KARS1: variants seen among roughly 807,000 people sequenced by gnomAD.
The protein encoded by KARS1 is lysine--tRNA ligase.
Under a neutral mutation model 63.9 loss-of-function variants are expected in KARS1, and 50 were observed. The observed-to-expected ratio is 0.78, with a 90% CI of 0.62 to 0.99. The LOEUF (loss-of-function observed/expected upper bound fraction) is 0.99. KARS1 is among the 50% of genes least tolerant of loss of function. The probability of loss-of-function intolerance (pLI) is 0.00; values close to 1 mark genes in which losing one functional copy is unlikely to be tolerated. For synonymous variants in KARS1, 320 were observed against 264.6 expected (o/e 1.21, Z -2.03); for missense variants, 816 against 754.5 (o/e 1.08, Z -0.95).
chr16:75,638,409 C>G (rs914806489), intron 3 of KARS1, among the ~76,000 whole-genome samples: 1 of 152,126 alleles, frequency 6.6e-6, no homozygotes, highest in Non-Finnish European at 1.5e-5. Flanking sequence ...TGACAGGCCC[C>G]AGTGTGTGAT....
At chr16:75,634,347 A>C in intron 6 of KARS1, 55 bp from the exon 7 acceptor site, 1 of 1,594,152 alleles carries the variant, frequency 6.3e-7, no homozygotes, top group South Asian at 1.1e-5. Flanking sequence ...CCTTGGGGAC[A>C]GACCATGCTT....
At chr16:75,642,270 C>G (rs980344330) in intron 1 of KARS1, among the ~76,000 whole-genome samples, 1 of 136,946 alleles carries the variant, frequency 7.3e-6, no homozygotes, top group Non-Finnish European at 1.5e-5. Context: ...GTCACAATCT[C>G]AGCTTACTGC....
In KARS1 at chr16:75,641,732, A is replaced by G; in HGVS notation, c.63-9T>C. 6.2e-7 allele frequency: 1 copy of G among 1,613,514 alleles called. No individual in the cohort carries two copies. The highest frequency in any genetic ancestry group is 1.3e-5 in the African/African-American group (1 of 75,040). On this transcript the variant is annotated splice_polypyrimidine_tract_variant and intron_variant, in intron 1 of 13. Coordinates refer to ENST00000302445, the MANE Select transcript of KARS1 (RefSeq NM_005548.3). ...GGCGTCTCTTCAGCTCACTGTTGGA[A>G]AGATGAAAGCGTTCAATGTGTTAGC...
In KARS1 at chr16:75,631,287, C is replaced by T. The variant is rs1440299932; in HGVS notation, c.1253-34G>A. ...CAAATGCAAAAGTTAGGGCAGGAGA[C>T]ATCACACTAGCCAAGTAAAAATGTA... On this transcript the variant is annotated intron_variant, in intron 9 of 13. Transcript: ENST00000302445. The T allele has an allele frequency of 3.1e-6, 5 of 1,594,678 alleles. No homozygotes were observed. In the Admixed American group the frequency reaches 8.4e-5, roughly 27 times the overall value.
chr16:75,641,599 C>T lies in KARS1; in HGVS notation c.187G>A (p.Gly63Ser). The change falls in exon 2 of 14, where the codon GGT becomes AGT. Residue 63 changes from glycine (G) to serine (S), a missense_variant. By Grantham distance (56) the Gly-to-Ser change is moderately conservative (BLOSUM62 0). Coordinates refer to ENST00000302445, the MANE Select transcript of KARS1 (RefSeq NM_005548.3). ...ACGCTCTCTTCCTCAGGACCCACAC[C>T]ATTATCAGTGGTGTGGTTGGTGGCA... ...AAATNHTTDN[G>S]VGPEEESVDP... is the part of the protein sequence containing the mutation. 5 of 1,614,024 alleles carry T rather than the reference C, an allele frequency of 3.1e-6. No individual in the cohort carries two copies. Among genetic ancestry groups the T allele is most frequent in the South Asian group, 1.1e-5 (1 of 91,086 alleles).
chr16:75,641,447 C>T, intron 2 of KARS1, 117 bp downstream of exon 2: 2 of 840,284 alleles, frequency 2.4e-6, no homozygotes, highest in South Asian at 3.0e-5. Context: ...CTCCCTTATC[C>T]CTGGCAGTGA....
In KARS1 at chr16:75,639,938, G is replaced by A. The variant is rs2082204748; in HGVS notation, c.388+246C>T. The A allele has an allele frequency of 1.7e-5, 9 of 532,014 alleles. No homozygotes were observed. In the South Asian group the frequency reaches 2.0e-4, roughly 12 times the overall value. 33.0% of individuals were successfully genotyped at this position (532,014 alleles called of 1,614,324 possible). On this transcript the variant is annotated intron_variant, in intron 3 of 13. Transcript: ENST00000302445. ...CCTGAGACTTCTACCGCTGATTCTT[G>A]CTGATGAAGGGAATCCTTATAGAGA...
At chr16:75,639,532 A>C (rs1018097530) in intron 3 of KARS1, among the ~76,000 whole-genome samples, 2 of 144,622 alleles carry the variant, frequency 1.4e-5, no homozygotes, top group African/African-American at 5.2e-5. Context: ...AGATGGCACC[A>C]CTGCATTCCA....
intron 1 of KARS1, chr16:75,644,563 A>C: frequency 1.4e-6 from 1 of 738,386 alleles, no homozygotes; most frequent in Non-Finnish European, 2.1e-6. Flanking sequence ...TGCTTCTACT[A>C]CCTTTTAGTC....
At chr16:75,640,384 G>C (rs369658839) in intron 2 of KARS1, 35 bp from the exon 3 acceptor site, 10 of 1,595,378 alleles carry the variant, frequency 6.3e-6, no homozygotes, top group South Asian at 5.5e-5. Flanking sequence ...CCCTTCAGAA[G>C]TTGAACCTGG....
chr16:75,647,521 C>T (rs2082302342), intron 1 of KARS1, 57 bp downstream of exon 1: 3 of 1,523,436 alleles, frequency 2.0e-6, no homozygotes, highest in Non-Finnish European at 2.7e-6. Flanking sequence ...CCTCGCGGCG[C>T]TTCCCAGCCC....
intron 6 of KARS1, chr16:75,635,434 A>C (rs1326072639): frequency 8.3e-6 from 4 of 481,468 alleles, no homozygotes; most frequent in South Asian, 2.2e-5. Flanking sequence ...AAATGACGTG[A>C]ATACATATTG....
chr16:75,647,488 C>A, intron 1 of KARS1, 90 bp downstream of exon 1: 1 of 1,242,134 alleles, frequency 8.1e-7, no homozygotes, highest in East Asian at 2.5e-5. Flanking sequence ...AAGAAGGCCC[C>A]GGCACAGCAG....
chr16:75,636,829 G>T (rs1405749860), intron 3 of KARS1, among the ~76,000 whole-genome samples: 3 of 151,412 alleles, frequency 2.0e-5, no homozygotes, highest in Non-Finnish European at 4.4e-5. Context: ...AAGTAGAGAG[G>T]GGGTTTCACC....
intron 7 of KARS1, among the ~76,000 whole-genome samples, chr16:75,632,980 C>A (rs1449540345): frequency 6.6e-6 from 1 of 152,108 alleles, no homozygotes; most frequent in Admixed American, 6.5e-5. Context: ...AGTCTGTTTA[C>A]CCTACCTCCA....
rs1397683751 is a variant in KARS1 at position 75,631,842 on chromosome 16, C to T, written c.929G>A (p.Gly310Asp). Reference protein sequence around the residue: ...PELYHKMLVVGGIDRVYEIGR... With the variant: ...PELYHKMLVVDGIDRVYEIGR... ...AATTTCATAAACCCGGTCGATGCCA[C>T]CAACCACAAGCATCTAACAACAACA... The change falls in exon 8 of 14, where the codon GGT (glycine) becomes GAT (aspartate). Residue 310 changes from glycine (G) to aspartate (D), a missense_variant. Transcript: ENST00000302445. 6.2e-7 allele frequency: 1 copy of T among 1,613,960 alleles called. No individual in the cohort carries two copies. Among genetic ancestry groups the T allele is most frequent in the East Asian group, 2.2e-5 (1 of 44,894 alleles).
intron 3 of KARS1, among the ~76,000 whole-genome samples, chr16:75,637,761 A>G (rs932094362): frequency 6.7e-6 from 1 of 149,566 alleles, no homozygotes; most frequent in African/African-American, 2.5e-5. Context: ...CCTGGGCAAT[A>G]AGAGCAAAAC....
chr16:75,631,313 C>T (rs1294500379), intron 9 of KARS1, 60 bp from the exon 10 acceptor site: 1 of 1,581,454 alleles, frequency 6.3e-7, no homozygotes, highest in African/African-American at 1.3e-5. Flanking sequence ...TAAAAATGTA[C>T]ATAAAGAGAA....
At chr16:75,642,566 C>A (rs925210452) in intron 1 of KARS1, among the ~76,000 whole-genome samples, 1 of 152,096 alleles carries the variant, frequency 6.6e-6, no homozygotes, top group African/African-American at 2.4e-5. Flanking sequence ...CTCTCTATCC[C>A]TCCCCTAAGA....
Sources: gnomAD v4.1 joint callset for allele counts (sites outside exome capture counted in the v4.1 genomes callset) on GRCh38, gnomAD v4.1.1 for gene constraint, MANE v1.5 for transcripts, NCBI Gene and HGNC (gene_info 2026-07-23, HGNC 2026-07-21) for gene names.